Variants in ZNF155 observed in about 807,000 individuals in gnomAD.
The protein encoded by ZNF155 is zinc finger protein 155.
In ZNF155, 15 loss-of-function variants were observed where a neutral mutation model predicts 11.9. The observed-to-expected ratio is 1.26, with a 90% CI of 0.84 to 1.94. ZNF155 has a LOEUF of 1.94. ZNF155 is among the 30% of genes most tolerant of loss of function. The probability of loss-of-function intolerance (pLI) is 0.00; values close to 1 mark genes in which losing one functional copy is unlikely to be tolerated. For missense variants in ZNF155, 602 were observed against 639.1 expected, an observed-to-expected ratio of 0.94 and a Z score of 0.63; for synonymous variants, 212 against 219.9, an observed-to-expected ratio of 0.96 and a Z score of 0.32.
intron 2 of ZNF155, 111 bp from the exon 3 acceptor site, chr19:43,991,437 C>T (rs1192205615): frequency 2.6e-6 from 4 of 1,540,576 alleles, no homozygotes; most frequent in Non-Finnish European, 1.8e-6. Flanking sequence ...TGACCTACAT[C>T]CCTCAATACT....
intron 4 of ZNF155, among the ~76,000 whole-genome samples, chr19:43,992,172 C>T (rs1481889330): frequency 6.6e-6 from 1 of 152,202 alleles, no homozygotes; most frequent in African/African-American, 2.4e-5. Flanking sequence ...TTTATAACTT[C>T]TTATTTTTAT....
chr19:43,988,327 T>C (rs1044452621), intron 1 of ZNF155, 132 bp from the exon 2 acceptor site: 5 of 420,254 alleles, frequency 1.2e-5, no homozygotes, highest in Admixed American at 4.0e-5. Flanking sequence ...ATGGTATGGA[T>C]ACACCACCAT....
intron 4 of ZNF155, among the ~76,000 whole-genome samples, chr19:43,993,305 T>TAGTGC (rs1975727207): frequency 1.3e-5 from 2 of 152,252 alleles, no homozygotes; most frequent in Admixed American, 1.3e-4. Context: ...TTTATAGATT[T>TAGTGC]AGTGCTGTAT....
At chr19:43,988,810 C>G in intron 2 of ZNF155, 1 of 371,306 alleles carries the variant, frequency 2.7e-6, no homozygotes, top group South Asian at 1.1e-4. Context: ...CACTTCCTTA[C>G]CTCCCCTCTC....
At chr19:43,992,329 G>A (rs114762430) in intron 4 of ZNF155, among the ~76,000 whole-genome samples, 1,851 of 152,232 alleles carry the variant, frequency 0.012, 39 homozygotes, top group African/African-American at 0.043. Context: ...TCCTGCCAAG[G>A]ACACTGTATT....
intron 1 of ZNF155, among the ~76,000 whole-genome samples, chr19:43,985,539 T>TTC (rs200999128): frequency 0.13 from 16,439 of 122,684 alleles, 1,095 homozygotes; most frequent in South Asian, 0.16. Flanking sequence ...TTTTCTTTTT[T>TTC]TTTTTTTTTT....
rs573263968 is a variant in ZNF155, at chr19:43,996,455, G to A, written c.598G>A (p.Gly200Arg). ...TCATGTTCATCAGAGAGTCCACGTG[G>A]GAGAGAAACTCTTTATGTGTGATGT... ...ALHVHQRVHV[G>R]EKLFMCDVCG... The change falls in exon 5 of 5, where the codon GGA (glycine) becomes AGA (arginine). Residue 200 changes from glycine (G) to arginine (R), a missense_variant. Transcript: ENST00000270014. The A allele has an allele frequency of 3.9e-5, 63 of 1,614,166 alleles. 2 individuals carry two copies. The South Asian group carries it at 6.3e-4, about 16-fold the overall frequency.
At chr19:43,990,125 CTGG>C (rs1975600838) in intron 2 of ZNF155, 1 of 1,481,220 alleles carries the variant, frequency 6.8e-7, no homozygotes, top group Admixed American at 2.2e-5. Context: ...AGGTAAAAAA[CTGG>C]GAAGAAAGCA....
In ZNF155 at chr19:43,997,542, G is replaced by C; in HGVS notation, c.*68G>C. The stretch of plus-strand genomic sequence containing the variant: ...CATACAATTTATAGTGATCCAATCA[G>C]TGTAATTGGTGTATCTGTTACCTCA... On this transcript the variant is annotated 3_prime_UTR_variant, in exon 5 of 5. Transcript: ENST00000270014. The C allele has an allele frequency of 8.1e-7, 1 of 1,234,066 alleles. No homozygotes were observed. The highest frequency in any genetic ancestry group is 1.5e-5 in the South Asian group (1 of 64,922). The allele number at this position is 1,234,066 out of a possible 1,614,324, so 76.4% of individuals were successfully genotyped here.
chr19:43,996,491 G>A lies in ZNF155; in HGVS notation c.634G>A (p.Glu212Lys), dbSNP rs748630581. ...KLFMCDVCGK[E>K]FSQSSHLQTH... ...CTTTATGTGTGATGTGTGTGGCAAG[G>A]AATTTAGTCAAAGCTCACATCTGCA... The change falls in exon 5 of 5, where the codon GAA becomes AAA. Residue 212 changes from glutamate to lysine, a missense_variant. Transcript: ENST00000270014. The A allele has an allele frequency of 2.7e-5, 44 of 1,614,076 alleles. No homozygotes were observed. The Admixed American group carries it at 7.2e-4, about 26-fold the overall frequency.
Position 43,997,404 on chromosome 19 carries a change from A to G in ZNF155, c.1547A>G (p.Asp516Gly), listed in dbSNP as rs1849495612. 6.2e-7 allele frequency: 1 copy of G among 1,612,822 alleles called. No individual in the cohort carries two copies. The highest frequency in any genetic ancestry group is 1.1e-5 in the South Asian group (1 of 90,902). Reference protein sequence around the residue: ...YSGENPSKCEDCGRRYKRRLN... With the variant: ...YSGENPSKCEGCGRRYKRRLN... Reference sequence around the variant, plus strand: ...GGGGAAAACCCATCCAAATGTGAGGATTGTGGGAGACGCTACAAGAGGCGC... The same window carrying G: ...GGGGAAAACCCATCCAAATGTGAGGGTTGTGGGAGACGCTACAAGAGGCGC... The change falls in exon 5 of 5, where the codon GAT becomes GGT. Residue 516 changes from aspartate to glycine, a missense_variant. Physicochemically the swap from Asp to Gly is moderately conservative, Grantham distance 94. Coordinates refer to ENST00000270014, the MANE Select transcript of ZNF155 (RefSeq NM_198089.3).
intron 3 of ZNF155, 83 bp downstream of exon 3, chr19:43,991,757 T>C (rs1187699372): frequency 5.6e-6 from 9 of 1,606,888 alleles, no homozygotes; most frequent in East Asian, 2.2e-5. Context: ...TGAGTGTGCA[T>C]TGGGAACCTA....
At chr19:43,984,866 C>A (rs999244535) in intron 1 of ZNF155, among the ~76,000 whole-genome samples, 1 of 152,024 alleles carries the variant, frequency 6.6e-6, no homozygotes, top group Admixed American at 6.6e-5. Context: ...CCACGTTTCA[C>A]GAAGGGAGAG....
chr19:43,996,156 G>A lies in ZNF155; in HGVS notation c.299G>A (p.Cys100Tyr). Residue 100 changes from cysteine to tyrosine, a missense_variant, in exon 5 of 5, where the codon TGC (cysteine) becomes TAC (tyrosine). Physicochemically the swap from Cys to Tyr is radical, Grantham distance 194. Transcript: ENST00000270014. Reference sequence around the variant, plus strand: ...GCAGGAGCACATGAAGAGTGGTCCTGCCAGCAAATCTGGGAACAAATTGCA... The same window carrying A: ...GCAGGAGCACATGAAGAGTGGTCCTACCAGCAAATCTGGGAACAAATTGCA... ...PEAGAHEEWS[C>Y]QQIWEQIAKD... 6.2e-7 allele frequency: 1 copy of A among 1,613,982 alleles called. No homozygotes were observed.
rs760957967 is a variant in ZNF155, at chr19:43,997,168, T to C, written c.1311T>C (p.Tyr437=). The C allele has an allele frequency of 2.8e-4, 447 of 1,614,022 alleles. No homozygotes were observed. Among genetic ancestry groups the C allele is most frequent in the Non-Finnish European group, 3.5e-4 (416 of 1,180,022 alleles). Residue 437 remains tyrosine (Y), a synonymous_variant, in exon 5 of 5, where the codon TAT becomes TAC. Coordinates refer to ENST00000270014, the MANE Select transcript of ZNF155 (RefSeq NM_198089.3). ...AATGTGAGGAGTGTGGGAAGGGCTA[T>C]GTTACTAAGTTTAATCTTGACTTGC... ...PYKCEECGKG[Y]VTKFNLDLHQ... is the part of the protein sequence containing the mutation.
At position 43,996,600 on chromosome 19, in the gene ZNF155, A is replaced by C. The variant is rs773198101; in HGVS notation, c.743A>C (p.Asn248Thr). ...GKGFSRRSAL[N>T]VHRKLHTGEK... ...GGTTTCAGTCGTAGATCAGCACTTAATGTTCATCGTAAATTACACACAGGA... is the reference window on the plus strand; with the variant it reads ...GGTTTCAGTCGTAGATCAGCACTTACTGTTCATCGTAAATTACACACAGGA... Residue 248 changes from asparagine (N) to threonine (T), a missense_variant, in exon 5 of 5, where the codon AAT becomes ACT. Asn to Thr is a moderately conservative substitution (Grantham distance 65). Transcript: ENST00000270014. 1.6e-5 allele frequency: 25 copies of C among 1,612,902 alleles called. No homozygotes were observed. The highest frequency in any genetic ancestry group is 2.0e-5 in the Non-Finnish European group (24 of 1,179,154).
At position 43,997,718 on chromosome 19, in the gene ZNF155, A is replaced by G. The variant is rs1287895535; in HGVS notation, c.*244A>G. On this transcript the variant is annotated 3_prime_UTR_variant, in exon 5 of 5. Transcript: ENST00000270014. ...AAAAGCAGCCTGGGGAAGACAATCA[A>G]GCTACAGGCACTGATAAGGGAACTA... 2.3e-6 allele frequency: 1 copy of G among 431,944 alleles called. No individual in the cohort carries two copies. The highest frequency in any genetic ancestry group is 4.1e-6 in the Non-Finnish European group (1 of 243,694). 26.8% of individuals were successfully genotyped at this position (431,944 alleles called of 1,614,324 possible).
chr19:43,992,043 G>A (rs1975684894), intron 4 of ZNF155, 109 bp downstream of exon 4: 2 of 1,017,562 alleles, frequency 2.0e-6, no homozygotes, highest in Non-Finnish European at 2.9e-6. Flanking sequence ...CTCCTTCCTG[G>A]ATTATTACAA....
At position 43,997,114 on chromosome 19, in the gene ZNF155, G is replaced by A; in HGVS notation, c.1257G>A (p.Gln419=). The A allele has an allele frequency of 1.2e-6, 2 of 1,614,182 alleles. No homozygotes were observed. The highest frequency in any genetic ancestry group is 1.7e-6 in the Non-Finnish European group (2 of 1,180,032). Residue 419 remains glutamine (Q), a synonymous_variant, in exon 5 of 5, where the codon CAG becomes CAA. Coordinates refer to ENST00000270014, the MANE Select transcript of ZNF155 (RefSeq NM_198089.3). ...CAAATTCACAACTGTCTTCCCATCA[G>A]AGATCCCACAGTGGTGAAAAGCCAT... ...FYTNSQLSSH[Q]RSHSGEKPYK...
Sources: gnomAD v4.1 joint callset for allele counts (sites outside exome capture counted in the v4.1 genomes callset) on GRCh38, gnomAD v4.1.1 for gene constraint, MANE v1.5 for transcripts, NCBI Gene and HGNC (gene_info 2026-07-23, HGNC 2026-07-21) for gene names.